ZSCAN10: variants seen among roughly 807,000 people sequenced by gnomAD.
ZSCAN10 encodes the protein zinc finger and SCAN domain containing 10.
ZSCAN10 carries 52 observed loss-of-function variants against 63.7 expected under a neutral mutation model. The observed-to-expected ratio is 0.82, with a 90% CI of 0.65 to 1.03. The LOEUF (loss-of-function observed/expected upper bound fraction) is 1.03. Ranked by LOEUF, ZSCAN10 falls within the 50% of genes least tolerant of loss-of-function variation. ZSCAN10 has a pLI of 0.00. For missense variants in ZSCAN10, 1,223 were observed against 1,103.8 expected (o/e 1.11, Z -1.53); for synonymous variants, 544 against 479.6 (o/e 1.13, Z -1.76).
chr16:3,089,013 G>A lies in ZSCAN10; in HGVS notation c.*78C>T. 1 of 1,402,530 alleles carries A rather than the reference G, an allele frequency of 7.1e-7. No individual in the cohort carries two copies. The highest frequency in any genetic ancestry group is 9.2e-7 in the Non-Finnish European group (1 of 1,086,882). The allele number at this position is 1,402,530 out of a possible 1,614,324, so 86.9% of individuals were successfully genotyped here. On this transcript the variant is annotated 3_prime_UTR_variant, in exon 6 of 6. Transcript: ENST00000576985. The stretch of plus-strand genomic sequence containing the variant: ...AGAGGGAAGTGGGGTGTGGTGGGAA[G>A]GGACATTCCTGCAGGCCTCCGCTGT...
chr16:3,095,494 G>A (rs1957141335), intron 1 of ZSCAN10, among the ~76,000 whole-genome samples: 1 of 148,130 alleles, frequency 6.8e-6, no homozygotes, highest in South Asian at 2.1e-4. Context: ...TCCAGCCTGG[G>A]CGACAGCGAG....
rs914158227 is a variant in ZSCAN10, at chr16:3,092,810, G to A, written c.128C>T (p.Ala43Val). The A allele has an allele frequency of 1.3e-6, 2 of 1,533,862 alleles. No homozygotes were observed. Among genetic ancestry groups the A allele is most frequent in the Non-Finnish European group, 1.8e-6 (2 of 1,136,940 alleles). ...CTGGAAGCATCTGAACAGCTGGTGA[G>A]CCACCTCGGGCCTCAGCCTGGACTC... ...RPESRLRPEVAHQLFRCFQYQ... is the reference protein window; with the variant it reads ...RPESRLRPEVVHQLFRCFQYQ... The change falls in exon 2 of 6, where the codon GCT becomes GTT. Residue 43 changes from alanine (A) to valine (V), a missense_variant. By Grantham distance (64) the Ala-to-Val change is moderately conservative (BLOSUM62 0). Coordinates refer to ENST00000576985, the MANE Select transcript of ZSCAN10 (RefSeq NM_032805.3).
In ZSCAN10 at chr16:3,089,793, C is replaced by A; in HGVS notation, c.1641G>T (p.Glu547Asp). ...CGCAAGCCTGGCAGGAGAAGGGCCGCTCGCCCGTGTGCACCCTCCGGTGGG... is the reference window on the plus strand; with the variant it reads ...CGCAAGCCTGGCAGGAGAAGGGCCGATCGCCCGTGTGCACCCTCCGGTGGG... ...LVAHRRVHTG[E>D]RPFSCQACGR... The change falls in exon 6 of 6, where the codon GAG (glutamate) becomes GAT (aspartate). Residue 547 changes from glutamate to aspartate, a missense_variant. Coordinates refer to ENST00000576985, the MANE Select transcript of ZSCAN10 (RefSeq NM_032805.3). The A allele has an allele frequency of 1.3e-6, 2 of 1,589,726 alleles. No individual in the cohort carries two copies. Among genetic ancestry groups the A allele is most frequent in the Non-Finnish European group, 1.7e-6 (2 of 1,175,092 alleles).
At chr16:3,093,545 T>A (rs1245001421) in intron 1 of ZSCAN10, among the ~76,000 whole-genome samples, 2 of 151,256 alleles carry the variant, frequency 1.3e-5, no homozygotes, top group Non-Finnish European at 2.9e-5. Context: ...TTTGCATCAC[T>A]TTTCCCAAGT....
rs1567164855 is a variant in ZSCAN10, at chr16:3,090,174, G to A, written c.1260C>T (p.Ser420=). 1 of 1,604,508 alleles carries A rather than the reference G, an allele frequency of 6.2e-7. No individual in the cohort carries two copies. Among genetic ancestry groups the A allele is most frequent in the Non-Finnish European group, 8.5e-7 (1 of 1,178,868 alleles). Residue 420 remains serine (S), a synonymous_variant, in exon 6 of 6, where the codon AGC becomes AGT. Transcript: ENST00000576985. ...GHRFRQSSHL[S]KHLLTHSSEP... is the part of the protein sequence containing the mutation. ...CGGAGGAGTGGGTCAGCAGGTGCTT[G>A]CTCAGGTGCGAGCTCTGGCGGAAGC...
In ZSCAN10 at chr16:3,090,277, C is replaced by T. The variant is rs751263901; in HGVS notation, c.1157G>A (p.Gly386Asp). Residue 386 changes from glycine (G) to aspartate (D), a missense_variant, in exon 6 of 6, where the codon GGC becomes GAC. By Grantham distance (94) the Gly-to-Asp change is moderately conservative (BLOSUM62 -1). Transcript: ENST00000576985. ...GTGCAGCTTGAGAATGGAGCTGCGGCCGAAGCTCTTCCCGCAGCAAAGGCA... is the reference window on the plus strand; with the variant it reads ...GTGCAGCTTGAGAATGGAGCTGCGGTCGAAGCTCTTCCCGCAGCAAAGGCA... The part of the protein sequence containing the change: ...FLCLCCGKSF[G>D]RSSILKLHMR... 2.8e-5 allele frequency: 45 copies of T among 1,608,782 alleles called. No individual in the cohort carries two copies. The South Asian group carries it at 4.1e-4, about 15-fold the overall frequency.
In ZSCAN10 at chr16:3,090,288, C is replaced by A; in HGVS notation, c.1146G>T (p.Gly382=). ...AGRSFLCLCC[G]KSFGRSSILK... ...GAATGGAGCTGCGGCCGAAGCTCTTCCCGCAGCAAAGGCACAGGAAGGAGC... is the reference window on the plus strand; with the variant it reads ...GAATGGAGCTGCGGCCGAAGCTCTTACCGCAGCAAAGGCACAGGAAGGAGC... The change falls in exon 6 of 6, where the codon GGG becomes GGT. Residue 382 remains glycine, a synonymous_variant. Transcript: ENST00000576985. 1 of 1,609,402 alleles carries A rather than the reference C, an allele frequency of 6.2e-7. No homozygotes were observed. Among genetic ancestry groups the A allele is most frequent in the African/African-American group, 1.3e-5 (1 of 74,958 alleles).
Position 3,090,074 on chromosome 16 carries a change from G to A in ZSCAN10, c.1360C>T (p.His454Tyr), listed in dbSNP as rs770250651. The change falls in exon 6 of 6, where the codon CAC becomes TAC. Residue 454 changes from histidine (H) to tyrosine (Y), a missense_variant. Coordinates refer to ENST00000576985, the MANE Select transcript of ZSCAN10 (RefSeq NM_032805.3). The part of the protein sequence containing the change: ...RASLVQHLLA[H>Y]AQDQKPPCAP... ...CAGGGCGGCTTCTGGTCCTGGGCGT[G>A]CGCCAGCAGGTGCTGCACAAGGCTG... 6 of 1,604,888 alleles carry A rather than the reference G, an allele frequency of 3.7e-6. No homozygotes were observed. Among genetic ancestry groups the A allele is most frequent in the Non-Finnish European group, 4.2e-6 (5 of 1,179,022 alleles).
intron 1 of ZSCAN10, among the ~76,000 whole-genome samples, chr16:3,094,073 C>T (rs187259767): frequency 3.3e-5 from 5 of 152,266 alleles, no homozygotes; most frequent in East Asian, 3.9e-4. Context: ...AGTGCAGTGG[C>T]GCAATCACGG....
Position 3,089,149 on chromosome 16 carries a change from C to A in ZSCAN10, c.2285G>T (p.Ser762Ile). Residue 762 changes from serine (S) to isoleucine (I), a missense_variant, in exon 6 of 6, where the codon AGC (serine) becomes ATC (isoleucine). Coordinates refer to ENST00000576985, the MANE Select transcript of ZSCAN10 (RefSeq NM_032805.3). Reference sequence around the variant, plus strand: ...GTGGCGCAGCAGGTGGGAGTTGCGGCTGAAGCTGCGGCCACACTGCGTGCA... The same window carrying A: ...GTGGCGCAGCAGGTGGGAGTTGCGGATGAAGCTGCGGCCACACTGCGTGCA... The part of the protein sequence containing the change: ...YSCTQCGRSF[S>I]RNSHLLRHLR... The A allele has an allele frequency of 6.5e-7, 1 of 1,528,960 alleles. No homozygotes were observed. The highest frequency in any genetic ancestry group is 1.3e-5 in the South Asian group (1 of 79,020). 94.7% of individuals were successfully genotyped at this position (1,528,960 alleles called of 1,614,324 possible).
chr16:3,093,072 T>C, intron 1 of ZSCAN10, 68 bp from the exon 2 acceptor site: 1 of 1,210,844 alleles, frequency 8.3e-7, no homozygotes, highest in Non-Finnish European at 1.1e-6. Flanking sequence ...GGGTCATCCA[T>C]GTTAAAAGAC....
Position 3,090,535 on chromosome 16 carries a change from G to A in ZSCAN10, c.899C>T (p.Pro300Leu), listed in dbSNP as rs774535085. The change falls in exon 6 of 6, where the codon CCG becomes CTG. Residue 300 changes from proline to leucine, a missense_variant. Coordinates refer to ENST00000576985, the MANE Select transcript of ZSCAN10 (RefSeq NM_032805.3). ...GAGCGACTGGGCGCAAGGCTCTCCCGGCACCCCAGGACTATCTGCCTGGGA... is the reference window on the plus strand; with the variant it reads ...GAGCGACTGGGCGCAAGGCTCTCCCAGCACCCCAGGACTATCTGCCTGGGA... Reference protein sequence around the residue: ...AESQADSPGVPGEPCAQSLGR... With the variant: ...AESQADSPGVLGEPCAQSLGR... The A allele has an allele frequency of 3.1e-6, 5 of 1,612,596 alleles. No individual in the cohort carries two copies. Among genetic ancestry groups the A allele is most frequent in the Admixed American group, 1.7e-5 (1 of 59,986 alleles).
At chr16:3,094,650 GT>G (rs1281024092) in intron 1 of ZSCAN10, among the ~76,000 whole-genome samples, 1 of 152,014 alleles carries the variant, frequency 6.6e-6, no homozygotes, top group Non-Finnish European at 1.5e-5. Flanking sequence ...CGACCTAATG[GT>G]GGCCTTTAGA....
At position 3,088,918 on chromosome 16, in the gene ZSCAN10, G is replaced by A. The variant is rs993641808; in HGVS notation, c.*173C>T. Reference sequence around the variant, plus strand: ...TGGAGAAGGCCATTTTACTTCGGGCGTTTTAATTACATAGCTGAGGCCAGA... The same window carrying A: ...TGGAGAAGGCCATTTTACTTCGGGCATTTTAATTACATAGCTGAGGCCAGA... On this transcript the variant is annotated 3_prime_UTR_variant, in exon 6 of 6. Coordinates refer to ENST00000576985, the MANE Select transcript of ZSCAN10 (RefSeq NM_032805.3). 2 of 1,269,694 alleles carry A rather than the reference G, an allele frequency of 1.6e-6. No individual in the cohort carries two copies. Among genetic ancestry groups the A allele is most frequent in the South Asian group, 2.1e-5 (1 of 48,322 alleles). The allele number at this position is 1,269,694 out of a possible 1,614,324, so 78.7% of individuals were successfully genotyped here.
rs543506485 is a variant in ZSCAN10, at chr16:3,090,859, C to T, written c.788-213G>A. Reference sequence around the variant, plus strand: ...GAAGTCAGGAGTGAGTTCAAGACCACCCTGGCCAACATGGTGAAGCCCCGT... The same window carrying T: ...GAAGTCAGGAGTGAGTTCAAGACCATCCTGGCCAACATGGTGAAGCCCCGT... On this transcript the variant is annotated intron_variant, in intron 5 of 5. Transcript: ENST00000576985. 4.6e-5 allele frequency among the ~76,000 whole-genome samples: 7 copies of T among 150,776 alleles called. No homozygotes were observed. In the East Asian group the frequency reaches 1.4e-3, roughly 29 times the overall value.
chr16:3,089,000 G>C lies in ZSCAN10; in HGVS notation c.*91C>G. 1 of 1,391,854 alleles carries C rather than the reference G, an allele frequency of 7.2e-7. No individual in the cohort carries two copies. The highest frequency in any genetic ancestry group is 9.3e-7 in the Non-Finnish European group (1 of 1,080,808). 86.2% of individuals were successfully genotyped at this position (1,391,854 alleles called of 1,614,324 possible). A position where few individuals can be genotyped will look rare whatever the true frequency, so the allele number is the denominator to read the frequency against. On this transcript the variant is annotated 3_prime_UTR_variant, in exon 6 of 6. Transcript: ENST00000576985. ...TGAAAGTGGAAGGAGAGGGAAGTGG[G>C]GTGTGGTGGGAAGGGACATTCCTGC...
In ZSCAN10 at chr16:3,089,706, C is replaced by T; in HGVS notation, c.1728G>A (p.Lys576=). Residue 576 remains lysine (K), a synonymous_variant, in exon 6 of 6, where the codon AAG becomes AAA. Transcript: ENST00000576985. ...VSHQRVHTGE[K]PYACPQCGKR... ...TCCCGCACTGCGGACAGGCGTAGGG[C>T]TTCTCGCCCGTGTGCACCCGTTGGT... 1.2e-6 allele frequency: 2 copies of T among 1,605,404 alleles called. No homozygotes were observed. The highest frequency in any genetic ancestry group is 1.7e-6 in the Non-Finnish European group (2 of 1,178,690).
intron 1 of ZSCAN10, among the ~76,000 whole-genome samples, chr16:3,098,488 A>AT (rs1399596367): frequency 6.6e-6 from 1 of 152,168 alleles, no homozygotes; most frequent in Non-Finnish European, 1.5e-5. Flanking sequence ...CAGAAAAAAA[A>AT]TGAAGATTCC....
Position 3,089,687 on chromosome 16 carries a change from A to G in ZSCAN10, c.1747T>C (p.Cys583Arg). 6.2e-7 allele frequency: 1 copy of G among 1,605,034 alleles called. No homozygotes were observed. The highest frequency in any genetic ancestry group is 1.7e-4 in the Middle Eastern group (1 of 6,052). Residue 583 changes from cysteine (C) to arginine (R), a missense_variant, in exon 6 of 6, where the codon TGC becomes CGC. Transcript: ENST00000576985. ...TGEKPYACPQCGKRFVRRASL... is the reference protein window; with the variant it reads ...TGEKPYACPQRGKRFVRRASL... ...GCCCGGCGCACAAAGCGCTTCCCGCACTGCGGACAGGCGTAGGGCTTCTCG... is the reference window on the plus strand; with the variant it reads ...GCCCGGCGCACAAAGCGCTTCCCGCGCTGCGGACAGGCGTAGGGCTTCTCG...
Sources: gnomAD v4.1 joint callset for allele counts (sites outside exome capture counted in the v4.1 genomes callset) on GRCh38, gnomAD v4.1.1 for gene constraint, MANE v1.5 for transcripts, NCBI Gene and HGNC (gene_info 2026-07-23, HGNC 2026-07-21) for gene names.